Variants in DGKD observed in about 807,000 individuals in gnomAD.
DGKD encodes DAG kinase delta.
Under a neutral mutation model 154.4 loss-of-function variants are expected in DGKD, and 68 were observed. The observed-to-expected ratio is 0.44, with a 90% confidence interval of 0.36 to 0.54. The LOEUF is 0.54. Among genes scored for constraint, DGKD ranks in the 20% least tolerant of loss-of-function variants. The pLI is 0.00. For missense variants in DGKD, 1,343 were observed against 1,593.6 expected (o/e 0.84, Z 2.68); for synonymous variants, 693 against 638.0 (o/e 1.09, Z -1.30).
Position 233,396,422 on chromosome 2 carries a change from A to G in DGKD, c.348+5939A>G, listed in dbSNP as rs548982072. 3.9e-5 allele frequency among the ~76,000 whole-genome samples: 6 copies of G among 152,192 alleles called. No homozygotes were observed. The East Asian group carries it at 5.8e-4, about 15-fold the overall frequency. On this transcript the variant is annotated intron_variant, in intron 3 of 29. Coordinates refer to ENST00000264057, the MANE Select transcript of DGKD (RefSeq NM_152879.3). ...TTGGCAAGCATTTTTTTTGGGGTCT[A>G]CCGTGGGCCACACACCATGCTGAGT...
At chr2:233,409,947 A>G (rs1245371571) in intron 3 of DGKD, among the ~76,000 whole-genome samples, 1 of 151,994 alleles carries the variant, frequency 6.6e-6, no homozygotes, top group East Asian at 1.9e-4. Flanking sequence ...TGTGTTAATC[A>G]GTGCTGGACT....
chr2:233,442,544 T>C, intron 10 of DGKD: 1 of 226,494 alleles, frequency 4.4e-6, no homozygotes, highest in South Asian at 6.9e-5. Context: ...TCACAGTACA[T>C]ACAATGCACA....
chr2:233,385,892 C>G, intron 1 of DGKD: 2 of 432,128 alleles, frequency 4.6e-6, no homozygotes, highest in Non-Finnish European at 9.3e-6. Context: ...TGAAACCCAC[C>G]AGTCTTTTTC....
At position 233,452,122 on chromosome 2, in the gene DGKD, A is replaced by T; in HGVS notation, c.2264+62A>T. 6.9e-7 allele frequency: 1 copy of T among 1,451,516 alleles called. No individual in the cohort carries two copies. Among genetic ancestry groups the T allele is most frequent in the Admixed American group, 1.7e-5 (1 of 59,396 alleles). 89.9% of individuals were successfully genotyped at this position (1,451,516 alleles called of 1,614,324 possible). On this transcript the variant is annotated intron_variant, in intron 18 of 29. Coordinates refer to ENST00000264057, the MANE Select transcript of DGKD (RefSeq NM_152879.3). The surrounding 1 kb of genome is among the most constrained non-coding windows in gnomAD (Gnocchi z 4.0). ...ACATGGCTGCTAGTGCATAGAAAACAGATCTCAGGATTAACTAGAGAAATT... is the reference window on the plus strand; with the variant it reads ...ACATGGCTGCTAGTGCATAGAAAACTGATCTCAGGATTAACTAGAGAAATT...
chr2:233,414,518 G>A (rs539942472), intron 3 of DGKD, among the ~76,000 whole-genome samples: 83 of 152,296 alleles, frequency 5.4e-4, no homozygotes, highest in Non-Finnish European at 3.2e-4. Context: ...GGGAGACCAC[G>A]GCATGCCTTG....
At chr2:233,399,760 G>A (rs2061512165) in intron 3 of DGKD, among the ~76,000 whole-genome samples, 1 of 152,134 alleles carries the variant, frequency 6.6e-6, no homozygotes, top group Non-Finnish European at 1.5e-5. Flanking sequence ...AGATCTGCAG[G>A]GAAGAGTTGG....
intron 1 of DGKD, among the ~76,000 whole-genome samples, chr2:233,376,472 C>T (rs1333437721): frequency 6.6e-6 from 1 of 152,132 alleles, no homozygotes; most frequent in Non-Finnish European, 1.5e-5. Flanking sequence ...TACATAAGCT[C>T]CTGGCACATA....
chr2:233,425,289 C>G (rs1383187059), intron 3 of DGKD, among the ~76,000 whole-genome samples: 1 of 152,160 alleles, frequency 6.6e-6, no homozygotes, highest in Non-Finnish European at 1.5e-5. Context: ...CGGGTTCACG[C>G]CATTCTCCTG....
chr2:233,392,910 A>C (rs1703725114), intron 3 of DGKD, among the ~76,000 whole-genome samples: 1 of 152,204 alleles, frequency 6.6e-6, no homozygotes, highest in East Asian at 1.9e-4. Context: ...TAATTTTATT[A>C]GTTTAGTTTG....
At chr2:233,428,553 A>G (rs2062394782) in intron 3 of DGKD, among the ~76,000 whole-genome samples, 1 of 152,208 alleles carries the variant, frequency 6.6e-6, no homozygotes, top group Non-Finnish European at 1.5e-5. Flanking sequence ...ACCTCACAAC[A>G]ACAAGGCTAG....
chr2:233,413,642 T>A (rs2061885872), intron 3 of DGKD, among the ~76,000 whole-genome samples: 1 of 152,200 alleles, frequency 6.6e-6, no homozygotes, highest in Non-Finnish European at 1.5e-5. Context: ...GTATCTCTAT[T>A]CCTTGGCACC....
chr2:233,390,192 G>A (rs1292934326), intron 2 of DGKD, among the ~76,000 whole-genome samples: 1 of 152,152 alleles, frequency 6.6e-6, no homozygotes, highest in Non-Finnish European at 1.5e-5. Flanking sequence ...AAAAAATCAT[G>A]GCACTATACC....
At chr2:233,410,798 C>T (rs1295542568) in intron 3 of DGKD, among the ~76,000 whole-genome samples, 2 of 152,196 alleles carry the variant, frequency 1.3e-5, no homozygotes, top group African/African-American at 4.8e-5. Context: ...CTCTCTCTCT[C>T]TCATAATTAC....
chr2:233,444,834 T>A (rs987480983), intron 10 of DGKD, among the ~76,000 whole-genome samples: 2 of 148,210 alleles, frequency 1.3e-5, no homozygotes, highest in Middle Eastern at 6.8e-3. Flanking sequence ...CCACGGCAGG[T>A]TTCCTGCCTC....
Position 233,388,533 on chromosome 2 carries a change from G to C in DGKD, c.267+166G>C, listed in dbSNP as rs1703348000. 1.1e-5 allele frequency: 6 copies of C among 564,592 alleles called. No homozygotes were observed. In the South Asian group the frequency reaches 1.6e-4, roughly 16 times the overall value. The allele number at this position is 564,592 out of a possible 1,614,324, so 35.0% of individuals were successfully genotyped here. On this transcript the variant is annotated intron_variant, in intron 2 of 29. Coordinates refer to ENST00000264057, the MANE Select transcript of DGKD (RefSeq NM_152879.3). ...GCTGTCAGGTTTTACTTGTCTCAAGGCATGTTTTATTTCTTATCAAAATTA... is the reference window on the plus strand; with the variant it reads ...GCTGTCAGGTTTTACTTGTCTCAAGCCATGTTTTATTTCTTATCAAAATTA...
chr2:233,427,558 T>A (rs111266216), intron 3 of DGKD, among the ~76,000 whole-genome samples: 2 of 152,162 alleles, frequency 1.3e-5, no homozygotes, highest in African/African-American at 4.8e-5. Flanking sequence ...GCCAGGCTGG[T>A]CTCGAACTCC....
intron 3 of DGKD, among the ~76,000 whole-genome samples, chr2:233,402,648 C>T (rs866402727): frequency 3.9e-5 from 6 of 152,170 alleles, no homozygotes; most frequent in African/African-American, 1.2e-4. Flanking sequence ...AGCTCATGTC[C>T]GGCCGGCAGC....
intron 3 of DGKD, chr2:233,419,150 G>A (rs988718420): frequency 1.4e-5 from 13 of 903,700 alleles, no homozygotes; most frequent in Admixed American, 1.2e-4. Flanking sequence ...GCTTATTCTC[G>A]GCCACCTTTC....
At position 233,457,181 on chromosome 2, in the gene DGKD, A is replaced by G. The variant is rs1367120980; in HGVS notation, c.2473-40A>G. 2 of 1,463,568 alleles carry G rather than the reference A, an allele frequency of 1.4e-6. No individual in the cohort carries two copies. Among genetic ancestry groups the G allele is most frequent in the East Asian group, 2.3e-5 (1 of 43,828 alleles). 90.7% of individuals were successfully genotyped at this position (1,463,568 alleles called of 1,614,324 possible). On this transcript the variant is annotated intron_variant, in intron 20 of 29. Transcript: ENST00000264057. This position sits in a 1 kb window ranked among gnomAD's most constrained non-coding sequence, Gnocchi z 5.5. ...GGTAGAGAAGGAGGGGCTGACTCAT[A>G]CCTTTCTCTTTTCTTTTGTTCTGTG... is the stretch of plus-strand genomic sequence containing the variant.
Sources: gnomAD v4.1 joint callset for allele counts (sites outside exome capture counted in the v4.1 genomes callset) on GRCh38, gnomAD v4.1.1 for gene constraint, Gnocchi (gnomAD v3.1) non-coding constraint, MANE v1.5 for transcripts, NCBI Gene and HGNC (gene_info 2026-07-23, HGNC 2026-07-21) for gene names.